Variants in ANKRD26 observed in about 807,000 individuals in gnomAD.
ANKRD26 encodes the protein ankyrin repeat domain 26, also known as ankyrin repeat domain-containing protein 26.
A neutral mutation model predicts 208.7 loss-of-function variants in ANKRD26; 141 were observed. The observed-to-expected ratio is 0.68, with a 90% CI of 0.59 to 0.78. The LOEUF (loss-of-function observed/expected upper bound fraction) is 0.78. Ranked by LOEUF, ANKRD26 falls within the 30% of genes least tolerant of loss-of-function variation. The pLI, the probability that ANKRD26 is intolerant of heterozygous loss-of-function variation, is 0.00. For missense variants in ANKRD26, 1,889 were observed against 1,938.7 expected, an observed-to-expected ratio of 0.97 and a Z score of 0.48; for synonymous variants, 636 against 660.4, an observed-to-expected ratio of 0.96 and a Z score of 0.57.
At position 27,010,267 on chromosome 10, in the gene ANKRD26, C is replaced by T. The variant is rs1237456000; in HGVS notation, c.4953+2615G>A. ...GTGCCCCACAAAGAAACCATGTATACCAATGGAATATTTTTCAGCTTATCT... is the reference window on the plus strand; with the variant it reads ...GTGCCCCACAAAGAAACCATGTATATCAATGGAATATTTTTCAGCTTATCT... On this transcript the variant is annotated intron_variant, in intron 32 of 33. Transcript: ENST00000376087. Among the ~76,000 whole-genome samples, 4 of 152,136 alleles carry T rather than the reference C, an allele frequency of 2.6e-5. No individual in the cohort carries two copies. In the South Asian group the frequency reaches 8.3e-4, roughly 32 times the overall value.
At chr10:27,040,496 T>A in intron 20 of ANKRD26, among the ~76,000 whole-genome samples, 1 of 152,156 alleles carries the variant, frequency 6.6e-6, no homozygotes, top group Non-Finnish European at 1.5e-5. Context: ...AAGATTTCCC[T>A]GAGGGAGAGG....
chr10:27,028,319 G>A (rs35096435), intron 27 of ANKRD26, among the ~76,000 whole-genome samples: 14,148 of 151,848 alleles, frequency 0.093, 782 homozygotes, highest in East Asian at 0.28. Context: ...AAAAGTGGCC[G>A]GGCACTGTGG....
At chr10:26,992,493 CACACACACACACACAG>C (rs1260891643) in intron 5 of ANKRD26, among the ~76,000 whole-genome samples, 7 of 150,328 alleles carry the variant, frequency 4.7e-5, no homozygotes, top group Non-Finnish European at 7.4e-5. Context: ...CACACACACA[CACACACACACACACAG>C]AGAGAAAAAG....
At chr10:27,018,041 C>T (rs1016095282) in intron 29 of ANKRD26, among the ~76,000 whole-genome samples, 4 of 151,888 alleles carry the variant, frequency 2.6e-5, no homozygotes, top group East Asian at 1.9e-4. Context: ...ACTTGATCTT[C>T]GACTTGTATT....
chr10:27,047,453 T>C (rs552946523), intron 17 of ANKRD26, among the ~76,000 whole-genome samples: 1 of 151,946 alleles, frequency 6.6e-6, no homozygotes, highest in East Asian at 1.9e-4. Flanking sequence ...ACCCCATCTC[T>C]ACTAGAAATA....
At chr10:26,988,523 AC>A (rs2052427410), downstream of ANKRD26, among the ~76,000 whole-genome samples, 1 of 152,146 alleles carries the variant, frequency 6.6e-6, no homozygotes, top group South Asian at 2.1e-4. Context: ...AATAAGTGGG[AC>A]TTTCCACGCA....
At chr10:26,948,586 C>A in the ANKRD26 span, among the ~76,000 whole-genome samples, 3 of 152,122 alleles carry the variant, frequency 2.0e-5, no homozygotes, top group South Asian at 6.2e-4. Context: ...GGAACATATT[C>A]TTTGAAATAT....
At position 27,100,168 on chromosome 10, in the gene ANKRD26, AGCTT is replaced by A; in HGVS notation, c.155_158del (p.Lys52MetfsTer21). The A allele has an allele frequency of 6.2e-7, 1 of 1,614,122 alleles. No homozygotes were observed. Among genetic ancestry groups the A allele is most frequent in the South Asian group, 1.1e-5 (1 of 91,092 alleles). ...CTTTCGCCACATTACCCGCGCTGGC[AGCTT>A]TGTGGATCTTGCCGAGATCTCGGTC... On this transcript the variant is annotated frameshift_variant, in exon 1 of 34. Coordinates refer to ENST00000376087, the MANE Select transcript of ANKRD26 (RefSeq NM_014915.3). LOFTEE classifies it high-confidence loss of function.
chr10:27,045,356 G>A (rs916631070), intron 18 of ANKRD26, among the ~76,000 whole-genome samples: 9 of 151,562 alleles, frequency 5.9e-5, no homozygotes, highest in African/African-American at 1.2e-4. Context: ...CCCAGGAGAC[G>A]GAGGTTGCAG....
intron 1 of ANKRD26, among the ~76,000 whole-genome samples, chr10:27,099,507 T>C (rs1438415969): frequency 1.3e-5 from 2 of 148,206 alleles, no homozygotes; most frequent in Non-Finnish European, 3.0e-5. Flanking sequence ...CTAGAACTCC[T>C]GGGCTCAAGT....
At chr10:26,980,539 G>C (rs1400743062) in intron 5 of ANKRD26, among the ~76,000 whole-genome samples, 2 of 152,200 alleles carry the variant, frequency 1.3e-5, no homozygotes, top group East Asian at 1.9e-4. Flanking sequence ...CTCAGCCTTT[G>C]ACCAGGTTTG....
chr10:26,949,762 C>A, the ANKRD26 span, among the ~76,000 whole-genome samples: 1 of 152,182 alleles, frequency 6.6e-6, no homozygotes, highest in African/African-American at 2.4e-5. Context: ...CTCGACCTCC[C>A]AAAGTGCTGG....
the ANKRD26 span, among the ~76,000 whole-genome samples, chr10:26,956,078 ATACT>A: frequency 2.0e-5 from 3 of 152,220 alleles, no homozygotes; most frequent in Non-Finnish European, 4.4e-5. Flanking sequence ...TCACACTTTG[ATACT>A]TACTCAGTTT....
chr10:27,085,506 A>G (rs1031204173), intron 5 of ANKRD26, among the ~76,000 whole-genome samples: 11 of 152,242 alleles, frequency 7.2e-5, no homozygotes, highest in Non-Finnish European at 1.6e-4. Context: ...AATAAGTAAC[A>G]TGACTTGTGC....
At chr10:27,076,390 G>A (rs576031238) in intron 9 of ANKRD26, among the ~76,000 whole-genome samples, 138 of 151,768 alleles carry the variant, frequency 9.1e-4, no homozygotes, top group African/African-American at 3.2e-3. Context: ...AGCCTCCCAA[G>A]TAGCTGGGAT....
intron 16 of ANKRD26, chr10:27,051,225 G>A (rs1178023634): frequency 5.4e-6 from 7 of 1,289,600 alleles, no homozygotes; most frequent in Admixed American, 2.3e-5. Context: ...TTCTAATTCA[G>A]GTTCCATGCT....
intron 30 of ANKRD26, among the ~76,000 whole-genome samples, chr10:27,015,913 ATCAC>A (rs2053273781): frequency 6.6e-6 from 1 of 152,168 alleles, no homozygotes; most frequent in Non-Finnish European, 1.5e-5. Flanking sequence ...GTAGATTTTT[ATCAC>A]TCACTCAGAC....
At chr10:27,017,180 T>C (rs567858700) in intron 30 of ANKRD26, among the ~76,000 whole-genome samples, 2 of 152,354 alleles carry the variant, frequency 1.3e-5, no homozygotes, top group South Asian at 4.1e-4. Flanking sequence ...TTTTAAAAAG[T>C]GAGCAATGTA....
chr10:26,972,659 T>G (rs143254482), downstream of ANKRD26, among the ~76,000 whole-genome samples: 3,371 of 150,788 alleles, frequency 0.022, 137 homozygotes, highest in African/African-American at 0.078. Context: ...GGTGTGATCT[T>G]GGCTCACTGC....
Sources: allele counts gnomAD v4.1 joint callset (sites outside exome capture counted in the v4.1 genomes callset), GRCh38; gene constraint gnomAD v4.1.1; transcripts MANE v1.5; gene names NCBI Gene and HGNC (gene_info 2026-07-23, HGNC 2026-07-21).